AK8: variants seen among roughly 807,000 people sequenced by gnomAD.
AK8 encodes adenylate kinase 8, also known as ATP-AMP transphosphorylase 8.
A neutral mutation model predicts 54.6 loss-of-function variants in AK8; 44 were observed. The observed-to-expected ratio is 0.81, with a 90% CI of 0.63 to 1.04. The LOEUF (loss-of-function observed/expected upper bound fraction) is 1.04, where lower values mean the gene tolerates loss of function less well. Among genes scored for constraint, AK8 ranks in the 50% least tolerant of loss-of-function variants. AK8 has a pLI of 0.00. For missense variants in AK8, 555 were observed against 613.6 expected (o/e 0.90, Z 1.01); for synonymous variants, 239 against 245.6 (o/e 0.97, Z 0.25).
intron 4 of AK8, among the ~76,000 whole-genome samples, chr9:132,855,401 C>G (rs1320086280): frequency 6.6e-6 from 1 of 152,222 alleles, no homozygotes; most frequent in Non-Finnish European, 1.5e-5. Context: ...CAGTGTCCTA[C>G]TGACTCTGGA....
intron 11 of AK8, among the ~76,000 whole-genome samples, chr9:132,741,080 C>T (rs890806356): frequency 4.6e-5 from 7 of 152,172 alleles, no homozygotes; most frequent in South Asian, 2.1e-4. Flanking sequence ...TTCCTGGGGG[C>T]ACCCTGGGCA....
intron 5 of AK8, among the ~76,000 whole-genome samples, chr9:132,844,145 T>C (rs1842645962): frequency 6.6e-6 from 1 of 152,128 alleles, no homozygotes; most frequent in African/African-American, 2.4e-5. Flanking sequence ...TTCGGGCACA[T>C]TCTCTTGATT....
In AK8 at chr9:132,794,024, A is replaced by T. The variant is rs1258899975; in HGVS notation, c.980-1249T>A. On this transcript the variant is annotated intron_variant, in intron 10 of 12. Transcript: ENST00000298545. ...ACGTGGAAGCAAGAGATGCAGAAAA[A>T]TCACTGCCAGCCGTTTTCCCTGTGG... Among the ~76,000 whole-genome samples the T allele has an allele frequency of 2.0e-5, 3 of 152,244 alleles. No homozygotes were observed. In the South Asian group the frequency reaches 6.2e-4, roughly 32 times the overall value.
intron 5 of AK8, among the ~76,000 whole-genome samples, chr9:132,853,127 C>A (rs946334619): frequency 6.6e-6 from 1 of 151,824 alleles, no homozygotes; most frequent in African/African-American, 2.4e-5. Flanking sequence ...GAGGCCAAGG[C>A]GGGTGGATCA....
At chr9:132,776,413 G>A (rs112102664) in intron 11 of AK8, among the ~76,000 whole-genome samples, 41 of 152,356 alleles carry the variant, frequency 2.7e-4, no homozygotes, top group Admixed American at 5.2e-4. Flanking sequence ...AACAAAGCAC[G>A]AGGCCTGCTC....
intron 9 of AK8, 96 bp downstream of exon 9, chr9:132,823,109 C>A (rs546600486): frequency 4.9e-5 from 71 of 1,463,034 alleles, no homozygotes; most frequent in South Asian, 7.4e-5. Context: ...CCCTTCCCCC[C>A]CAACACCACC....
chr9:132,750,007 G>C (rs1203523581), intron 11 of AK8, among the ~76,000 whole-genome samples: 1 of 150,868 alleles, frequency 6.6e-6, no homozygotes, highest in East Asian at 2.0e-4. Context: ...CACACTCTTG[G>C]AGATACTGAC....
chr9:132,799,022 TC>T lies in AK8; in HGVS notation c.980-6248del, dbSNP rs1249845704. 2.6e-5 allele frequency among the ~76,000 whole-genome samples: 4 copies of T among 152,252 alleles called. No homozygotes were observed. The East Asian group carries it at 7.7e-4, about 29-fold the overall frequency. On this transcript the variant is annotated intron_variant, in intron 10 of 12. Coordinates refer to ENST00000298545, the MANE Select transcript of AK8 (RefSeq NM_152572.3). This position sits in a 1 kb window ranked among gnomAD's most constrained non-coding sequence, Gnocchi z 5.0. ...GATGCAACTGGGCAGCACTGACTCC[TC>T]CCGGGCTGCAGGTCTGGCTTCAGTC...
At chr9:132,747,667 G>C (rs980399346) in intron 11 of AK8, among the ~76,000 whole-genome samples, 5 of 146,256 alleles carry the variant, frequency 3.4e-5, no homozygotes, top group African/African-American at 1.3e-4. Context: ...CTGACCTCTA[G>C]TGATCTGTCT....
chr9:132,807,333 G>A (rs1840772706), intron 10 of AK8, among the ~76,000 whole-genome samples: 1 of 152,212 alleles, frequency 6.6e-6, no homozygotes, highest in African/African-American at 2.4e-5. Flanking sequence ...CCACTGCTGG[G>A]GACATGGCAT....
At chr9:132,848,468 G>A (rs1191613008) in intron 5 of AK8, among the ~76,000 whole-genome samples, 1 of 152,158 alleles carries the variant, frequency 6.6e-6, no homozygotes, top group Non-Finnish European at 1.5e-5. Flanking sequence ...TGTGAAATTG[G>A]GGTAAAGGAC....
intron 11 of AK8, among the ~76,000 whole-genome samples, chr9:132,758,424 T>C (rs1838293840): frequency 6.6e-6 from 1 of 152,140 alleles, no homozygotes; most frequent in South Asian, 2.1e-4. Flanking sequence ...TTTAAATTCG[T>C]ATTTTCCATT....
intron 11 of AK8, among the ~76,000 whole-genome samples, chr9:132,732,904 TGTGAACTTAAAACAACTATGAGTCC>T (rs1836918502): frequency 6.6e-6 from 1 of 152,190 alleles, no homozygotes; most frequent in South Asian, 2.1e-4. Context: ...CTAGAAAATG[TGTGAACTTAAAACAACTATGAGTCC>T]CTGAGCCACA....
intron 10 of AK8, among the ~76,000 whole-genome samples, chr9:132,805,416 C>A (rs541814490): frequency 2.0e-5 from 3 of 152,204 alleles, no homozygotes; most frequent in Non-Finnish European, 2.9e-5. Flanking sequence ...CCAGACCTAC[C>A]CCCCTCCGGC....
At chr9:132,870,256 T>C (rs550127942) in intron 2 of AK8, among the ~76,000 whole-genome samples, 120 of 152,344 alleles carry the variant, frequency 7.9e-4, no homozygotes, top group African/African-American at 2.7e-3. Context: ...CACATTTATG[T>C]GATTAATTTC....
intron 11 of AK8, among the ~76,000 whole-genome samples, chr9:132,775,896 G>T (rs1176847256): frequency 1.3e-5 from 2 of 152,228 alleles, no homozygotes; most frequent in East Asian, 3.9e-4. Context: ...CCATGAGGCT[G>T]CAGGCAGAGT....
intron 5 of AK8, among the ~76,000 whole-genome samples, chr9:132,832,751 T>G (rs939264272): frequency 6.6e-5 from 10 of 152,234 alleles, no homozygotes; most frequent in African/African-American, 2.2e-4. Context: ...CAGCTCTCAC[T>G]GACTTTTCAC....
rs1031174524 is a variant in AK8, at chr9:132,849,066, G to A, written c.402+5791C>T. Among the ~76,000 whole-genome samples the A allele has an allele frequency of 4.6e-5, 7 of 151,928 alleles. No individual in the cohort carries two copies. The East Asian group carries it at 9.7e-4, about 21-fold the overall frequency. ...TGGGACTACAGGCGCGTGCCACCAC[G>A]CCCGGCTAATTTTTTGTATTTTTAG... On this transcript the variant is annotated intron_variant, in intron 5 of 12. Coordinates refer to ENST00000298545, the MANE Select transcript of AK8 (RefSeq NM_152572.3).
chr9:132,841,824 C>G (rs541316081), intron 5 of AK8, among the ~76,000 whole-genome samples: 3 of 152,076 alleles, frequency 2.0e-5, no homozygotes, highest in African/African-American at 7.2e-5. Flanking sequence ...AATCAAGCAC[C>G]CTGGCGCTTG....
Sources: allele counts gnomAD v4.1 joint callset (sites outside exome capture counted in the v4.1 genomes callset), GRCh38; gene constraint gnomAD v4.1.1; non-coding constraint Gnocchi (gnomAD v3.1); transcripts MANE v1.5; gene names NCBI Gene and HGNC (gene_info 2026-07-23, HGNC 2026-07-21).